Variants in GRM7 observed in about 807,000 individuals in gnomAD.
The protein encoded by GRM7 is metabotropic glutamate receptor 7.
In GRM7, 35 loss-of-function variants were observed where a neutral mutation model predicts 84.5. The observed-to-expected ratio is 0.41, with a 90% CI of 0.32 to 0.55. The LOEUF is 0.55. Among genes scored for constraint, GRM7 ranks in the 20% least tolerant of loss-of-function variants. The pLI is 0.19. For missense variants in GRM7, 1,003 were observed against 1,194.6 expected (o/e 0.84, Z 2.36); for synonymous variants, 487 against 455.1 (o/e 1.07, Z -0.89).
intron 4 of GRM7, among the ~76,000 whole-genome samples, chr3:7,385,945 AAAGTGTTGACC>A (rs1424364374): frequency 6.6e-6 from 1 of 152,226 alleles, no homozygotes. Flanking sequence ...ATACTGAAAC[AAAGTGTTGACC>A]AAGAGATGCA....
chr3:7,711,867 G>A (rs1225987849), intron 9 of GRM7, among the ~76,000 whole-genome samples: 2 of 152,192 alleles, frequency 1.3e-5, no homozygotes, highest in Non-Finnish European at 2.9e-5. Context: ...AACACAGTCG[G>A]CTTACCTCCT....
chr3:7,559,553 A>T (rs1435152972), intron 7 of GRM7, among the ~76,000 whole-genome samples: 1 of 152,066 alleles, frequency 6.6e-6, no homozygotes, highest in African/African-American at 2.4e-5. Flanking sequence ...CTTGGTATGG[A>T]TGTGTTTCAA....
At chr3:7,139,562 A>T (rs1444598419) in intron 1 of GRM7, among the ~76,000 whole-genome samples, 1 of 151,912 alleles carries the variant, frequency 6.6e-6, no homozygotes, top group Non-Finnish European at 1.5e-5. Flanking sequence ...TCATGCATAG[A>T]TCTTTTCTCT....
intron 9 of GRM7, among the ~76,000 whole-genome samples, chr3:7,737,842 A>G (rs899327196): frequency 6.7e-6 from 1 of 148,232 alleles, no homozygotes; most frequent in Non-Finnish European, 1.5e-5. Context: ...TTATTCTCCC[A>G]ATTTTTTTTT....
At chr3:7,017,323 G>C (rs1213165071) in intron 1 of GRM7, among the ~76,000 whole-genome samples, 1 of 152,108 alleles carries the variant, frequency 6.6e-6, no homozygotes, top group Non-Finnish European at 1.5e-5. Context: ...TTAATAATTA[G>C]ACTAATAAGC....
rs1458925331 is a variant in GRM7 at position 6,928,312 on chromosome 3, C to T, written c.519+66405C>T. The stretch of plus-strand genomic sequence containing the variant: ...TTGTTAACTTGTAGATATGATTAAG[C>T]CCCACAGTTTTCCCATGAAAGTTTA... On this transcript the variant is annotated intron_variant, in intron 1 of 9. Transcript: ENST00000357716. This position sits in a 1 kb window ranked among gnomAD's most constrained non-coding sequence, Gnocchi z 4.5. Among the ~76,000 whole-genome samples the T allele has an allele frequency of 6.6e-6, 1 of 152,044 alleles. No homozygotes were observed. Among genetic ancestry groups the T allele is most frequent in the East Asian group, 1.9e-4 (1 of 5,172 alleles).
At chr3:6,896,303 A>G (rs1696180412) in intron 1 of GRM7, among the ~76,000 whole-genome samples, 1 of 152,190 alleles carries the variant, frequency 6.6e-6, no homozygotes, top group Non-Finnish European at 1.5e-5. Flanking sequence ...TGGCTCATAT[A>G]GTATGAATGA....
At chr3:7,632,214 C>T (rs564302421) in intron 8 of GRM7, among the ~76,000 whole-genome samples, 21 of 152,214 alleles carry the variant, frequency 1.4e-4, no homozygotes, top group African/African-American at 4.6e-4. Context: ...CTTGGGAAGG[C>T]ACTGGACAAT....
Position 6,861,861 on chromosome 3 carries a change from G to T in GRM7, c.473G>T (p.Gly158Val). The T allele has an allele frequency of 6.2e-7, 1 of 1,613,980 alleles. No homozygotes were observed. Among genetic ancestry groups the T allele is most frequent in the South Asian group, 1.1e-5 (1 of 91,070 alleles). Reference sequence around the variant, plus strand: ...GTAGTTGGAGTGATTGGGGCTTCGGGGAGTTCGGTCTCCATCATGGTAGCC... The same window carrying T: ...GTAGTTGGAGTGATTGGGGCTTCGGTGAGTTCGGTCTCCATCATGGTAGCC... ...EKVVGVIGASGSSVSIMVANI... is the reference protein window; with the variant it reads ...EKVVGVIGASVSSVSIMVANI... The change falls in exon 1 of 10, where the codon GGG becomes GTG. Residue 158 changes from glycine (G) to valine (V), a missense_variant. Transcript: ENST00000357716. The surrounding 1 kb of genome is among the most constrained non-coding windows in gnomAD (Gnocchi z 6.4).
intron 5 of GRM7, among the ~76,000 whole-genome samples, chr3:7,440,212 C>T (rs1697231095): frequency 6.6e-6 from 1 of 152,052 alleles, no homozygotes; most frequent in Non-Finnish European, 1.5e-5. Flanking sequence ...TCACTTGAGC[C>T]TAGGAAAATG....
chr3:7,256,052 C>T (rs957034495), intron 2 of GRM7, among the ~76,000 whole-genome samples: 1 of 152,282 alleles, frequency 6.6e-6, no homozygotes, highest in South Asian at 2.1e-4. Flanking sequence ...CCCTCTGCCC[C>T]TTATTTATAA....
At chr3:7,501,886 A>G (rs1398057165) in intron 7 of GRM7, among the ~76,000 whole-genome samples, 1 of 152,208 alleles carries the variant, frequency 6.6e-6, no homozygotes, top group African/African-American at 2.4e-5. Context: ...ACAGTCATAC[A>G]GCATAAGAGC....
chr3:7,294,548 C>G (rs529749849), intron 2 of GRM7, among the ~76,000 whole-genome samples: 1 of 137,066 alleles, frequency 7.3e-6, no homozygotes, highest in Non-Finnish European at 1.5e-5. Context: ...TCTATGCCAC[C>G]TTCCTAAGAG....
chr3:7,625,006 T>C (rs1199714589), intron 8 of GRM7, among the ~76,000 whole-genome samples: 1 of 152,142 alleles, frequency 6.6e-6, no homozygotes, highest in Non-Finnish European at 1.5e-5. Context: ...GCAATGCTAA[T>C]ATGCTTCCAG....
chr3:6,909,635 G>T lies in GRM7; in HGVS notation c.519+47728G>T, dbSNP rs958846270. On this transcript the variant is annotated intron_variant, in intron 1 of 9. Transcript: ENST00000357716. ...TTTCCACTGTATATAAAAAAGAAATGATTTAAGTCAGGGAAATATGCCACT... is the reference window on the plus strand; with the variant it reads ...TTTCCACTGTATATAAAAAAGAAATTATTTAAGTCAGGGAAATATGCCACT... Among the ~76,000 whole-genome samples the T allele has an allele frequency of 2.0e-5, 3 of 152,000 alleles. No individual in the cohort carries two copies. In the East Asian group the frequency reaches 5.8e-4, roughly 29 times the overall value.
At chr3:7,554,408 T>C (rs990831723) in intron 7 of GRM7, among the ~76,000 whole-genome samples, 2 of 152,130 alleles carry the variant, frequency 1.3e-5, no homozygotes, top group African/African-American at 4.8e-5. Context: ...CTTGCTATGG[T>C]GGTAGATGAA....
intron 1 of GRM7, among the ~76,000 whole-genome samples, chr3:7,021,132 C>T (rs1695760390): frequency 6.6e-6 from 1 of 152,146 alleles, no homozygotes. Flanking sequence ...TCTCTCTCCT[C>T]CCCAGCAAAT....
intron 1 of GRM7, among the ~76,000 whole-genome samples, chr3:6,967,344 C>T (rs968074141): frequency 4.6e-5 from 7 of 152,098 alleles, no homozygotes; most frequent in African/African-American, 1.4e-4. Flanking sequence ...AGGCATGCCC[C>T]ACCAAGCCTA....
At position 7,582,797 on chromosome 3, in the gene GRM7, T is replaced by C. The variant is rs192597124; in HGVS notation, c.2451+3440T>C. 7.1e-4 allele frequency among the ~76,000 whole-genome samples: 108 copies of C among 152,280 alleles called. No individual in the cohort carries two copies. The East Asian group carries it at 0.016, about 22-fold the overall frequency. The stretch of plus-strand genomic sequence containing the variant: ...TCAGTGGTTCTTCAAATTGTGTTCA[T>C]GGTCACCCCCTGAGGAATTTAACAA... On this transcript the variant is annotated intron_variant, in intron 8 of 9. Coordinates refer to ENST00000357716, the MANE Select transcript of GRM7 (RefSeq NM_000844.4).
Sources: gnomAD v4.1 joint callset for allele counts (sites outside exome capture counted in the v4.1 genomes callset) on GRCh38, gnomAD v4.1.1 for gene constraint, Gnocchi (gnomAD v3.1) non-coding constraint, MANE v1.5 for transcripts, NCBI Gene and HGNC (gene_info 2026-07-23, HGNC 2026-07-21) for gene names.